The following SSX7 variants were observed in gnomAD, a reference collection of about 807,000 sequenced individuals.
SSX7 encodes protein SSX7.
Under a neutral mutation model 14.7 loss-of-function variants are expected in SSX7, and 15 were observed. The ratio of observed to expected loss-of-function variants is 1.02; its 90% confidence interval spans 0.68 to 1.58. The LOEUF is 1.58. Among genes scored for constraint, SSX7 ranks in the 40% most tolerant of loss-of-function variants. The pLI, the probability that SSX7 is intolerant of heterozygous loss-of-function variation, is 0.00. For synonymous variants in SSX7, 46 were observed against 50.6 expected (o/e 0.91, Z 0.38); for missense variants, 178 against 146.8 (o/e 1.21, Z -1.10).
intron 7 of SSX7, 129 bp from the exon 8 acceptor site, chrX:52,644,799 C>G (rs1925180796): frequency 1.3e-6 from 1 of 751,828 alleles, no homozygotes; most frequent in Admixed American, 2.2e-5. Context: ...CCTGCACACG[C>G]CTTCCATGGT....
chrX:52,653,053 C>G (rs1460909664), intron 2 of SSX7, 69 bp from the exon 3 acceptor site: 13 of 1,180,956 alleles, frequency 1.1e-5, no homozygotes, highest in Admixed American at 2.3e-5. Context: ...AGCTGGAGCC[C>G]CTTCCTGTGT....
At chrX:52,648,526 C>T in intron 5 of SSX7, 130 bp from the exon 6 acceptor site, 2 of 1,011,195 alleles carry the variant, frequency 2.0e-6, no homozygotes, top group Non-Finnish European at 2.7e-6. Context: ...TTACACATGC[C>T]TAAATTAGGA....
intron 1 of SSX7, 39 bp downstream of exon 1, chrX:52,654,723 T>C (rs1422656140): frequency 1.8e-5 from 2 of 111,180 alleles, no homozygotes; most frequent in Non-Finnish European, 3.8e-5. Flanking sequence ...CTTACTCTGA[T>C]TTTGGAAGAA....
chrX:52,645,395 C>A (rs782755341), intron 7 of SSX7, 44 bp downstream of exon 7: 13 of 1,207,914 alleles, frequency 1.1e-5, no homozygotes, highest in Non-Finnish European at 1.5e-5. Context: ...TAACAGAATA[C>A]CACATCTGCA....
At chrX:52,653,380 T>C in intron 2 of SSX7, 24 bp downstream of exon 2, 1 of 1,211,255 alleles carries the variant, frequency 8.3e-7, no homozygotes, top group Non-Finnish European at 1.1e-6. Flanking sequence ...GGGCCACTAC[T>C]CTGCTCCCTC....
rs371813538 is a variant in SSX7 at position 52,653,479 on chromosome X, A to G, written c.-7T>C. On this transcript the variant is annotated 5_prime_UTR_variant, in exon 2 of 8. Coordinates refer to ENST00000298181, the MANE Select transcript of SSX7 (RefSeq NM_173358.2). ...AGGCGTCGTCTCCGTTCATGGCACC[A>G]GGAGCAGTCTGACCTGCAAGAGAAA... The G allele has an allele frequency of 1.4e-4, 164 of 1,209,525 alleles. No individual in the cohort carries two copies. In the African/African-American group the frequency reaches 1.9e-3, roughly 14 times the overall value.
intron 2 of SSX7, 113 bp from the exon 3 acceptor site, chrX:52,653,097 T>G (rs1556767259): frequency 2.6e-5 from 30 of 1,169,006 alleles, no homozygotes; most frequent in Non-Finnish European, 1.4e-5. Context: ...ATGCCATGGC[T>G]AACCGACAAC....
At chrX:52,651,612 C>T (rs1340518456) in intron 4 of SSX7, among the ~76,000 whole-genome samples, 1 of 111,705 alleles carries the variant, frequency 9.0e-6, no homozygotes, top group East Asian at 2.8e-4. Flanking sequence ...TGGTAGCTCA[C>T]ACTTGTAATC....
chrX:52,650,985 C>T (rs1229780783), intron 4 of SSX7, among the ~76,000 whole-genome samples: 5 of 112,092 alleles, frequency 4.5e-5, no homozygotes, highest in Non-Finnish European at 7.5e-5. Context: ...ACAGTTTGGA[C>T]GTTCTGACCT....
At chrX:52,650,097 G>A (rs1412353392) in intron 5 of SSX7, among the ~76,000 whole-genome samples, 1 of 111,234 alleles carries the variant, frequency 9.0e-6, no homozygotes, top group Non-Finnish European at 1.9e-5. Flanking sequence ...AAGTCATACA[G>A]GTCTTCTTAA....
chrX:52,645,510 C>G lies in SSX7; in HGVS notation c.500G>C (p.Arg167Thr), dbSNP rs1286977810. 8.3e-7 allele frequency: 1 copy of G among 1,201,063 alleles called. No homozygotes were observed. The highest frequency in any genetic ancestry group is 1.8e-5 in the African/African-American group (1 of 55,757). ...CACCAGCTGCTTTCTCTCACGCAGT[C>G]TGTGGGTCCAGGCATGTTTCCCCCT... ...PKRGKHAWTH[R>T]LRERKQLVIY... Residue 167 changes from arginine (R) to threonine (T), a missense_variant, in exon 7 of 8, where the codon AGA (arginine) becomes ACA (threonine). Coordinates refer to ENST00000298181, the MANE Select transcript of SSX7 (RefSeq NM_173358.2).
At position 52,652,221 on chromosome X, in the gene SSX7, G is replaced by A. The variant is rs1556767085; in HGVS notation, c.280+31C>T. The stretch of plus-strand genomic sequence containing the variant: ...GCTGAAAAGCAGCTGGGCTTGAGGA[G>A]ACCCTTTCCAGCCCCTTCCCGTCTA... On this transcript the variant is annotated intron_variant, in intron 4 of 7. Coordinates refer to ENST00000298181, the MANE Select transcript of SSX7 (RefSeq NM_173358.2). 5.4e-6 allele frequency: 6 copies of A among 1,114,627 alleles called. No homozygotes were observed. The South Asian group carries it at 7.3e-5, about 14-fold the overall frequency. 91.9% of individuals were successfully genotyped at this position (1,114,627 alleles called of 1,213,427 possible).
At chrX:52,652,116 GCATGCAATTTTTTTTTTTTTCACT>G (rs1925451714) in intron 4 of SSX7, 112 bp downstream of exon 4, 1 of 487,281 alleles carries the variant, frequency 2.1e-6, no homozygotes, top group African/African-American at 2.5e-5. Context: ...TTAACTTTCT[GCATGCAATTTTTTTTTTTTTCACT>G]CAGCCCTGAT....
At chrX:52,651,751 C>T (rs1166105966) in intron 4 of SSX7, among the ~76,000 whole-genome samples, 6 of 110,603 alleles carry the variant, frequency 5.4e-5, no homozygotes, top group Admixed American at 9.7e-5. Context: ...GGCGGGCACC[C>T]GTAACCCCAG....
intron 1 of SSX7, among the ~76,000 whole-genome samples, chrX:52,654,519 C>T (rs1384969279): frequency 5.6e-5 from 6 of 107,957 alleles, no homozygotes; most frequent in African/African-American, 2.0e-4. Flanking sequence ...AAGCGTGAGC[C>T]ACCGTACCCG....
intron 6 of SSX7, among the ~76,000 whole-genome samples, chrX:52,647,498 G>A (rs1231091889): frequency 8.9e-6 from 1 of 111,773 alleles, no homozygotes; most frequent in African/African-American, 3.2e-5. Context: ...AATCCTTCAT[G>A]AAGCAGAGAG....
chrX:52,649,149 G>C (rs1925344974), intron 5 of SSX7, among the ~76,000 whole-genome samples: 1 of 111,464 alleles, frequency 9.0e-6, no homozygotes, highest in African/African-American at 3.3e-5. Flanking sequence ...TCATGCAACA[G>C]CCTCCAGAGT....
At chrX:52,651,518 G>T (rs1401088171) in intron 4 of SSX7, among the ~76,000 whole-genome samples, 12 of 111,729 alleles carry the variant, frequency 1.1e-4, no homozygotes, top group South Asian at 7.6e-4. Context: ...ATTGAGTCCA[G>T]TCGGATCTCA....
Position 52,644,352 on chromosome X carries a change from T to C in SSX7, c.*323A>G, listed in dbSNP as rs1925167122. The C allele has an allele frequency of 3.1e-6, 1 of 327,652 alleles. No homozygotes were observed. Among genetic ancestry groups the C allele is most frequent in the African/African-American group, 4.3e-5 (1 of 23,338 alleles). 27.0% of individuals were successfully genotyped at this position (327,652 alleles called of 1,213,427 possible). A position where few individuals can be genotyped will look rare whatever the true frequency, so the allele number is the denominator to read the frequency against. Reference sequence around the variant, plus strand: ...GGGAGAGAGGAGGGTAGTGCTGTTCTATGGAGAGAATACCTGACTATACTT... The same window carrying C: ...GGGAGAGAGGAGGGTAGTGCTGTTCCATGGAGAGAATACCTGACTATACTT... On this transcript the variant is annotated 3_prime_UTR_variant, in exon 8 of 8. Coordinates refer to ENST00000298181, the MANE Select transcript of SSX7 (RefSeq NM_173358.2).
Sources: gnomAD v4.1 joint callset for allele counts (sites outside exome capture counted in the v4.1 genomes callset) on GRCh38, gnomAD v4.1.1 for gene constraint, MANE v1.5 for transcripts, NCBI Gene and HGNC (gene_info 2026-07-23, HGNC 2026-07-21) for gene names.